The following PCDH15 variants were observed in gnomAD, a reference collection of about 807,000 sequenced individuals.
PCDH15 encodes the protein protocadherin-15.
Under a neutral mutation model 178.5 loss-of-function variants are expected in PCDH15, and 129 were observed. That is an observed-to-expected ratio of 0.72 (90% CI 0.63 to 0.84). The LOEUF is 0.84. Ranked by LOEUF, PCDH15 falls within the 40% of genes least tolerant of loss-of-function variation. The probability of loss-of-function intolerance (pLI) is 0.00; values close to 1 mark genes in which losing one functional copy is unlikely to be tolerated. For synonymous variants in PCDH15, 800 were observed against 732.0 expected (o/e 1.09, Z -1.50); for missense variants, 2,230 against 2,099.9 (o/e 1.06, Z -1.21).
rs141169746 is a variant in PCDH15, at chr10:54,214,006, C to T, written c.1028G>A (p.Arg343Lys). Reference protein sequence around the residue: ...DYPRFFHMHPRTAELSLLEPV... With the variant: ...DYPRFFHMHPKTAELSLLEPV... ...CTCCAGGAGACTAAGTTCTGCTGTCCTAGGATGCATATGGAAAAATCGTGG... is the reference window on the plus strand; with the variant it reads ...CTCCAGGAGACTAAGTTCTGCTGTCTTAGGATGCATATGGAAAAATCGTGG... Residue 343 changes from arginine to lysine, a missense_variant, in exon 10 of 38, where the codon AGG (arginine) becomes AAG (lysine). Transcript: ENST00000644397. 5.8e-4 allele frequency: 938 copies of T among 1,611,580 alleles called. No individual in the cohort carries two copies. The highest frequency in any genetic ancestry group is 7.5e-4 in the Non-Finnish European group (880 of 1,178,120).
chr10:54,243,976 G>C (rs2055671766), intron 8 of PCDH15, among the ~76,000 whole-genome samples: 1 of 152,106 alleles, frequency 6.6e-6, no homozygotes, highest in South Asian at 2.1e-4. Context: ...AAATGGTTTT[G>C]ACAATTATTA....
chr10:55,018,577 T>C (rs1180248164), intron 2 of PCDH15, among the ~76,000 whole-genome samples: 3 of 152,104 alleles, frequency 2.0e-5, no homozygotes, highest in African/African-American at 7.2e-5. Flanking sequence ...GAGGAATAAC[T>C]GTACTGCAAT....
At chr10:55,165,601 T>G (rs1839174408) in intron 2 of PCDH15, among the ~76,000 whole-genome samples, 1 of 152,010 alleles carries the variant, frequency 6.6e-6, no homozygotes, top group Non-Finnish European at 1.5e-5. Flanking sequence ...TAGTAGTAAA[T>G]GCCTACTTTG....
At chr10:54,933,493 T>C (rs1473115490) in intron 2 of PCDH15, among the ~76,000 whole-genome samples, 1 of 152,194 alleles carries the variant, frequency 6.6e-6, no homozygotes, top group Non-Finnish European at 1.5e-5. Flanking sequence ...TACAACCTGA[T>C]ACACATACAA....
rs1401092152 is a variant in PCDH15, at chr10:54,680,128, A to T, written c.-28-15838T>A. On this transcript the variant is annotated intron_variant, in intron 1 of 37. Coordinates refer to ENST00000644397, the MANE Select transcript of PCDH15 (RefSeq NM_001384140.1). Reference sequence around the variant, plus strand: ...GGTTTCTTCCCCCAGGATAAAAGGGATGAGTTATCTGTTTCTCTTGGGACA... The same window carrying T: ...GGTTTCTTCCCCCAGGATAAAAGGGTTGAGTTATCTGTTTCTCTTGGGACA... Among the ~76,000 whole-genome samples the T allele has an allele frequency of 2.0e-5, 3 of 152,300 alleles. No homozygotes were observed. In the East Asian group the frequency reaches 5.8e-4, roughly 29 times the overall value.
At chr10:54,713,238 TACACACAC>T (rs1424410958) in intron 1 of PCDH15, among the ~76,000 whole-genome samples, 2 of 150,750 alleles carry the variant, frequency 1.3e-5, no homozygotes, top group Non-Finnish European at 3.0e-5. Flanking sequence ...CACACACACA[TACACACAC>T]AGGGCCTGAT....
chr10:54,400,714 A>G (rs1322852022), intron 3 of PCDH15, among the ~76,000 whole-genome samples: 1 of 152,094 alleles, frequency 6.6e-6, no homozygotes, highest in African/African-American at 2.4e-5. Context: ...TTATCAAAGT[A>G]TCATTTCCAT....
intron 15 of PCDH15, among the ~76,000 whole-genome samples, chr10:54,125,020 A>G (rs1425765219): frequency 6.6e-6 from 1 of 152,224 alleles, no homozygotes; most frequent in South Asian, 2.1e-4. Flanking sequence ...CCCAGACATT[A>G]AATTCCATGG....
At chr10:54,073,760 T>C (rs1166040462) in intron 17 of PCDH15, among the ~76,000 whole-genome samples, 1 of 152,192 alleles carries the variant, frequency 6.6e-6, no homozygotes, top group Non-Finnish European at 1.5e-5. Flanking sequence ...CGGAATCTGG[T>C]CAGAAATATC....
intron 5 of PCDH15, among the ~76,000 whole-genome samples, chr10:54,351,204 C>A (rs1321611732): frequency 2.6e-5 from 4 of 152,024 alleles, no homozygotes; most frequent in African/African-American, 9.7e-5. Context: ...AAGAGACCTA[C>A]CTTATGTTTC....
intron 2 of PCDH15, among the ~76,000 whole-genome samples, chr10:55,363,340 T>A (rs1845274342): frequency 6.6e-6 from 1 of 152,204 alleles, no homozygotes; most frequent in African/African-American, 2.4e-5. Flanking sequence ...AGAGGTTGTT[T>A]CCAATTTTAA....
chr10:55,080,096 A>G (rs2132024483), intron 2 of PCDH15, among the ~76,000 whole-genome samples: 1 of 152,194 alleles, frequency 6.6e-6, no homozygotes, highest in Non-Finnish European at 1.5e-5. Flanking sequence ...CTCAGGTTCT[A>G]GGGAGTGCAC....
chr10:55,183,546 A>G (rs1419152752), intron 1 of PCDH15, among the ~76,000 whole-genome samples: 2 of 151,954 alleles, frequency 1.3e-5, no homozygotes, highest in Non-Finnish European at 2.9e-5. Flanking sequence ...AGCCTGGGAA[A>G]CACTGTGAGA....
chr10:54,697,659 AGG>A (rs766727516), intron 1 of PCDH15, among the ~76,000 whole-genome samples: 127 of 93,280 alleles, frequency 1.4e-3, no homozygotes, highest in Middle Eastern at 0.012. Flanking sequence ...GAAGGAAGGA[AGG>A]GGAAGGGGGA....
chr10:54,149,530 G>A (rs1192313609), intron 14 of PCDH15, among the ~76,000 whole-genome samples: 1 of 152,144 alleles, frequency 6.6e-6, no homozygotes, highest in African/African-American at 2.4e-5. Flanking sequence ...GCCACAACTG[G>A]AATGGACTAA....
At chr10:54,936,083 C>T (rs960357162) in intron 2 of PCDH15, among the ~76,000 whole-genome samples, 1 of 152,010 alleles carries the variant, frequency 6.6e-6, no homozygotes, top group Admixed American at 6.6e-5. Flanking sequence ...CACAGATTGA[C>T]TTTGGGTCTC....
intron 10 of PCDH15, among the ~76,000 whole-genome samples, chr10:54,198,760 CA>C (rs2049942985): frequency 6.6e-6 from 1 of 150,518 alleles, no homozygotes; most frequent in African/African-American, 2.5e-5. Flanking sequence ...CTCGGCCTCC[CA>C]AAGTGCTGGG....
intron 23 of PCDH15, among the ~76,000 whole-genome samples, chr10:53,950,474 T>A (rs1303051644): frequency 6.6e-6 from 1 of 152,154 alleles, no homozygotes; most frequent in Non-Finnish European, 1.5e-5. Context: ...GTGGCATATA[T>A]CTTTGAAAAT....
chr10:53,811,551 A>G lies in PCDH15; in HGVS notation c.4560T>C (p.His1520=), dbSNP rs780207777. Residue 1520 remains histidine (H), a splice_region_variant and synonymous_variant, in exon 36 of 38, where the codon CAT becomes CAC. Transcript: ENST00000644397. The part of the protein sequence containing the change: ...EYGQDYYSYE[H]GYEMPQYGSR... ...ATTTTAAAAATCTGAAGATGTACCCATGCTCATAACTGTAATAATCTTGTC... is the reference window on the plus strand; with the variant it reads ...ATTTTAAAAATCTGAAGATGTACCCGTGCTCATAACTGTAATAATCTTGTC... 7.1e-6 allele frequency: 11 copies of G among 1,540,546 alleles called. No homozygotes were observed. The highest frequency in any genetic ancestry group is 3.6e-5 in the Admixed American group (2 of 55,172).
Sources: allele counts gnomAD v4.1 joint callset (sites outside exome capture counted in the v4.1 genomes callset), GRCh38; gene constraint gnomAD v4.1.1; transcripts MANE v1.5; gene names NCBI Gene and HGNC (gene_info 2026-07-23, HGNC 2026-07-21).